TPM4: variants seen among roughly 807,000 people sequenced by gnomAD.
The protein encoded by TPM4 is tropomyosin alpha-4 chain.
In TPM4, 17 loss-of-function variants were observed where a neutral mutation model predicts 35.8. That is an observed-to-expected ratio of 0.47 (90% confidence interval 0.32 to 0.71). The LOEUF (loss-of-function observed/expected upper bound fraction) is 0.71. Among genes scored for constraint, TPM4 ranks in the 30% least tolerant of loss-of-function variants. TPM4 has a pLI of 0.03. For missense variants in TPM4, 240 were observed against 320.9 expected, an observed-to-expected ratio of 0.75 and a Z score of 1.93; for synonymous variants, 120 against 122.9, an observed-to-expected ratio of 0.98 and a Z score of 0.15.
At chr19:16,086,321 G>C in intron 2 of TPM4, 102 bp from the exon 3 acceptor site, 1 of 1,083,564 alleles carries the variant, frequency 9.2e-7, no homozygotes, top group East Asian at 2.6e-5. Flanking sequence ...CTGCACTCCA[G>C]CCTGGATGAC....
intron 7 of TPM4, among the ~76,000 whole-genome samples, chr19:16,097,364 T>A (rs1346928400): frequency 6.6e-6 from 1 of 151,954 alleles, no homozygotes; most frequent in African/African-American, 2.4e-5. Context: ...AACCTCTGCC[T>A]CACGGGTTCA....
At chr19:16,076,049 G>T, upstream of TPM4, 1 of 1,607,702 alleles carries the variant, frequency 6.2e-7, no homozygotes. Flanking sequence ...GTCCCCAGGT[G>T]GAGGAGGAGC....
Position 16,070,199 on chromosome 19 carries a change from G to A in TPM4, c.114+2461G>A, listed in dbSNP as rs1405948426. The stretch of plus-strand genomic sequence containing the variant: ...AGAGGGAGGCCATTTCCCATCTCCT[G>A]GCAGCCAAGAGCCCACACAGACCCA... On this transcript the variant is annotated intron_variant, in intron 2 of 2. Coordinates refer to the TPM4 transcript ENST00000589897. The surrounding 1 kb of genome is among the most constrained non-coding windows in gnomAD (Gnocchi z 7.4). 6.6e-6 allele frequency among the ~76,000 whole-genome samples: 1 copy of A among 152,184 alleles called. No homozygotes were observed. The highest frequency in any genetic ancestry group is 1.9e-4 in the East Asian group (1 of 5,198).
intron 1 of TPM4, chr19:16,077,296 G>A (rs1390837768): frequency 6.6e-6 from 1 of 151,868 alleles, no homozygotes; most frequent in Non-Finnish European, 1.5e-5. Flanking sequence ...ATGGGGGGTG[G>A]AGGAAGTTCA....
chr19:16,070,275 A>C lies in TPM4; in HGVS notation c.114+2537A>C, dbSNP rs1049137294. Among the ~76,000 whole-genome samples the C allele has an allele frequency of 5.9e-5, 9 of 152,144 alleles. No individual in the cohort carries two copies. Among genetic ancestry groups the C allele is most frequent in the Non-Finnish European group, 1.0e-4 (7 of 68,024 alleles). ...AACCCTGGCAATGAGAATGCATTGG[A>C]GTTCCAAGGCCGTGGCCATGGTTTG... On this transcript the variant is annotated intron_variant, in intron 2 of 2. Coordinates refer to the TPM4 transcript ENST00000589897. This position sits in a 1 kb window ranked among gnomAD's most constrained non-coding sequence, Gnocchi z 7.4.
intron 1 of TPM4, chr19:16,080,328 G>A (rs1376863454): frequency 4.8e-6 from 1 of 207,972 alleles, no homozygotes; most frequent in African/African-American, 2.3e-5. Flanking sequence ...GATGTGTGAG[G>A]ATGAAATTGC....
Position 16,076,589 on chromosome 19 carries a change from G to A in TPM4, c.24G>A (p.Glu8=), listed in dbSNP as rs2090409738. The A allele has an allele frequency of 4.8e-6, 7 of 1,470,270 alleles. No homozygotes were observed. The highest frequency in any genetic ancestry group is 2.4e-5 in the Admixed American group (1 of 41,072). The allele number at this position is 1,470,270 out of a possible 1,614,324, so 91.1% of individuals were successfully genotyped here. ...CCATGGCCGGCCTCAACTCCCTGGA[G>A]GCGGTGAAACGCAAGATCCAGGCCC... MAGLNSL[E]AVKRKIQALQ... is the part of the protein sequence containing the mutation. The change falls in exon 1 of 8, where the codon GAG becomes GAA. Residue 8 remains glutamate (E), a synonymous_variant. Coordinates refer to ENST00000643579, the MANE Select transcript of TPM4 (RefSeq NM_003290.3).
Position 16,081,954 on chromosome 19 carries a change from C to T in TPM4, c.174C>T (p.Leu58=), listed in dbSNP as rs371075997. ...DVAALNRRIQ[L]VEEELDRAQE... The stretch of plus-strand genomic sequence containing the variant: ...CCGCCCTCAACCGACGCATCCAGCT[C>T]GTTGAGGAGGAGTTGGACAGGGCTC... The change falls in exon 2 of 8, where the codon CTC becomes CTT. Residue 58 remains leucine, a synonymous_variant. Transcript: ENST00000643579. 30 of 1,608,620 alleles carry T rather than the reference C, an allele frequency of 1.9e-5. No individual in the cohort carries two copies. The African/African-American group carries it at 2.1e-4, about 11-fold the overall frequency.
At position 16,082,067 on chromosome 19, in the gene TPM4, G is replaced by A. The variant is rs142445886; in HGVS notation, c.266+21G>A. ...GAGAGGTAAGGACGCTTTGAATCTG[G>A]TGGCATCCGTGTTTGCTTTTAGAAA... is the stretch of plus-strand genomic sequence containing the variant. On this transcript the variant is annotated intron_variant, in intron 2 of 7. Coordinates refer to ENST00000643579, the MANE Select transcript of TPM4 (RefSeq NM_003290.3). 2.2e-3 allele frequency: 3,545 copies of A among 1,586,040 alleles called. 5 individuals carry two copies. The highest frequency in any genetic ancestry group is 2.8e-3 in the Non-Finnish European group (3,240 of 1,157,636).
chr19:16,072,241 C>G (rs555375105), upstream of TPM4, among the ~76,000 whole-genome samples: 107 of 152,348 alleles, frequency 7.0e-4, no homozygotes, highest in African/African-American at 2.5e-3. Context: ...AGTCCCAGAA[C>G]TGACCCTCAA....
chr19:16,098,323 A>G (rs991820226), intron 7 of TPM4, among the ~76,000 whole-genome samples: 1 of 152,106 alleles, frequency 6.6e-6, no homozygotes, highest in African/African-American at 2.4e-5. Flanking sequence ...GGGGCCTGTA[A>G]TCCCAGCTAC....
chr19:16,094,143 C>T (rs1051410451), intron 7 of TPM4, among the ~76,000 whole-genome samples: 13 of 151,768 alleles, frequency 8.6e-5, no homozygotes, highest in African/African-American at 3.1e-4. Flanking sequence ...TGAATTGCCA[C>T]TTTCAGGAGG....
chr19:16,087,940 G>A lies in TPM4; in HGVS notation c.385-87G>A. The A allele has an allele frequency of 4.3e-6, 6 of 1,382,624 alleles. No individual in the cohort carries two copies. The South Asian group carries it at 4.9e-5, about 11-fold the overall frequency. The allele number at this position is 1,382,624 out of a possible 1,614,324, so 85.6% of individuals were successfully genotyped here. A position where few individuals can be genotyped will look rare whatever the true frequency, so the allele number is the denominator to read the frequency against. On this transcript the variant is annotated intron_variant, in intron 3 of 7. Coordinates refer to ENST00000643579, the MANE Select transcript of TPM4 (RefSeq NM_003290.3). ...TTGCAGCTGGTCTAGGGGTCTGGGT[G>A]GGGCATCATTGGGGGCTGTCTGCAG...
intron 2 of TPM4, among the ~76,000 whole-genome samples, chr19:16,069,950 G>T (rs557658296): frequency 2.6e-5 from 4 of 151,920 alleles, no homozygotes; most frequent in South Asian, 2.1e-4. Context: ...ACAGAAGCCC[G>T]CTGTCTCATG....
At chr19:16,081,025 C>A in intron 1 of TPM4, 1 of 398,548 alleles carries the variant, frequency 2.5e-6, no homozygotes, top group Admixed American at 4.4e-5. Flanking sequence ...CTCAGCCAGG[C>A]GGATTGAAGG....
At chr19:16,084,898 AT>A (rs2090529072) in intron 2 of TPM4, among the ~76,000 whole-genome samples, 1 of 152,126 alleles carries the variant, frequency 6.6e-6, no homozygotes. Flanking sequence ...GGTGGGAATG[AT>A]ACATATCAAT....
rs1448707249 is a variant in TPM4, at chr19:16,070,011, G to A, written c.114+2273G>A. On this transcript the variant is annotated intron_variant, in intron 2 of 2. Coordinates refer to the TPM4 transcript ENST00000589897. This position sits in a 1 kb window ranked among gnomAD's most constrained non-coding sequence, Gnocchi z 7.4. Reference sequence around the variant, plus strand: ...GCATGTGTGTGTGTGTGTGTGGTGGGGGCCCAGGGCTGTGACCTGCTGCAG... The same window carrying A: ...GCATGTGTGTGTGTGTGTGTGGTGGAGGCCCAGGGCTGTGACCTGCTGCAG... 2.0e-5 allele frequency among the ~76,000 whole-genome samples: 3 copies of A among 152,056 alleles called. No individual in the cohort carries two copies. Among genetic ancestry groups the A allele is most frequent in the African/African-American group, 2.4e-5 (1 of 41,374 alleles).
chr19:16,080,676 G>A (rs957325344), intron 1 of TPM4: 5 of 240,792 alleles, frequency 2.1e-5, no homozygotes, highest in Non-Finnish European at 3.2e-5. Flanking sequence ...GCAAGGCGTG[G>A]TGGTGTCCGT....
chr19:16,092,266 C>G (rs188772381), intron 5 of TPM4, among the ~76,000 whole-genome samples: 1 of 151,760 alleles, frequency 6.6e-6, no homozygotes, highest in African/African-American at 2.4e-5. Context: ...CATTCATGGA[C>G]AGGGACTGGG....
Sources: allele counts gnomAD v4.1 joint callset (sites outside exome capture counted in the v4.1 genomes callset), GRCh38; gene constraint gnomAD v4.1.1; non-coding constraint Gnocchi (gnomAD v3.1); transcripts MANE v1.5; gene names NCBI Gene and HGNC (gene_info 2026-07-23, HGNC 2026-07-21).